Variants in EXD2 observed in about 807,000 individuals in gnomAD.
EXD2 encodes exonuclease 3'-5' domain-containing protein 2.
In EXD2, 40 loss-of-function variants were observed where a neutral mutation model predicts 62.5. The ratio of observed to expected loss-of-function variants is 0.64; its 90% CI spans 0.50 to 0.83. The LOEUF (loss-of-function observed/expected upper bound fraction) is 0.83. Among genes scored for constraint, EXD2 ranks in the 40% least tolerant of loss-of-function variants. The pLI, the probability that EXD2 is intolerant of heterozygous loss-of-function variation, is 0.00. For missense variants in EXD2, 671 were observed against 761.8 expected, an observed-to-expected ratio of 0.88 and a Z score of 1.40; for synonymous variants, 239 against 291.9, an observed-to-expected ratio of 0.82 and a Z score of 1.85.
At chr14:69,230,201 A>G (rs1594774043) in intron 4 of EXD2, among the ~76,000 whole-genome samples, 1 of 152,222 alleles carries the variant, frequency 6.6e-6, no homozygotes, top group Admixed American at 6.5e-5. Context: ...TTGGCACAGT[A>G]CTAAGCCTCT....
At chr14:69,236,204 G>C in intron 7 of EXD2, 52 bp downstream of exon 7, 1 of 1,542,880 alleles carries the variant, frequency 6.5e-7, no homozygotes, top group Non-Finnish European at 9.0e-7. Context: ...ATTGGATGCT[G>C]GCAGGAGTGG....
At chr14:69,221,909 TAAAAAAAAAAA>T (rs60647735) in intron 3 of EXD2, among the ~76,000 whole-genome samples, 3 of 52,034 alleles carry the variant, frequency 5.8e-5, no homozygotes, top group Admixed American at 3.2e-4. Context: ...CTGTCTCTAC[TAAAAAAAAAAA>T]AAAAAAAAAA....
At chr14:69,199,853 AAGG>A (rs1222630491) in intron 1 of EXD2, among the ~76,000 whole-genome samples, 5 of 152,220 alleles carry the variant, frequency 3.3e-5, no homozygotes, top group African/African-American at 1.2e-4. Flanking sequence ...TTATAAGTAG[AAGG>A]AGTACACCGT....
intron 3 of EXD2, among the ~76,000 whole-genome samples, chr14:69,220,259 T>C (rs1359274057): frequency 0.019 from 668 of 35,356 alleles, 20 homozygotes; most frequent in African/African-American, 0.062. Context: ...CTCTGTTTTT[T>C]TTTTTTTTTT....
In EXD2 at chr14:69,237,576, A is replaced by T; in HGVS notation, c.1294A>T (p.Lys432Ter). 2 of 1,614,064 alleles carry T rather than the reference A, an allele frequency of 1.2e-6. No homozygotes were observed. The highest frequency in any genetic ancestry group is 1.7e-6 in the Non-Finnish European group (2 of 1,179,926). Residue 432 changes from lysine to a stop codon, truncating the protein, a stop_gained and splice_region_variant, in exon 9 of 10, where the codon AAG (lysine) becomes TAG (stop). Transcript: ENST00000685843. LOFTEE classifies it high-confidence loss of function. ...VCGKRDSYIR[K>*]NVIPHEYRKH... ...GCTTTCCGGCTGGGCTTGTTCCAGG[A>T]AGAACGTGATTCCACATGAGTACCG...
At chr14:69,229,743 G>A (rs1433890616) in intron 4 of EXD2, among the ~76,000 whole-genome samples, 1 of 152,010 alleles carries the variant, frequency 6.6e-6, no homozygotes, top group Non-Finnish European at 1.5e-5. Flanking sequence ...ACCTCCTCAT[G>A]TTTATGTATG....
intron 5 of EXD2, among the ~76,000 whole-genome samples, chr14:69,233,764 C>CTT (rs1392382633): frequency 8.7e-5 from 10 of 115,226 alleles, no homozygotes; most frequent in South Asian, 5.6e-4. Context: ...GACCACGCTA[C>CTT]TTTTTTTTTT....
intron 9 of EXD2, among the ~76,000 whole-genome samples, chr14:69,240,531 GA>G (rs1433308869): frequency 6.6e-6 from 1 of 152,168 alleles, no homozygotes; most frequent in Non-Finnish European, 1.5e-5. Context: ...CAACTTAAAA[GA>G]GGGGTGAACT....
intron 9 of EXD2, among the ~76,000 whole-genome samples, chr14:69,238,254 G>A (rs775300610): frequency 2.0e-5 from 3 of 152,226 alleles, no homozygotes; most frequent in African/African-American, 2.4e-5. Context: ...CTATGCAGAC[G>A]TAAATCCTCA....
chr14:69,221,481 T>C (rs2043181046), intron 3 of EXD2, among the ~76,000 whole-genome samples: 1 of 152,076 alleles, frequency 6.6e-6, no homozygotes, highest in South Asian at 2.1e-4. Context: ...ATTATTGGCA[T>C]AAACCAAGTG....
chr14:69,226,772 AG>A (rs1177629891), intron 3 of EXD2, among the ~76,000 whole-genome samples: 12 of 98,632 alleles, frequency 1.2e-4, no homozygotes, highest in African/African-American at 5.7e-4. Flanking sequence ...GAGCCCTCCC[AG>A]TTTTTTTTTT....
chr14:69,224,776 C>T (rs1397772058), intron 3 of EXD2, among the ~76,000 whole-genome samples: 2 of 151,974 alleles, frequency 1.3e-5, no homozygotes, highest in Admixed American at 6.6e-5. Context: ...GTCAAGAGAT[C>T]GAGACCATCC....
chr14:69,231,162 T>A (rs2043563729), intron 5 of EXD2, among the ~76,000 whole-genome samples: 1 of 152,134 alleles, frequency 6.6e-6, no homozygotes, highest in African/African-American at 2.4e-5. Flanking sequence ...TTAAAAAAAA[T>A]ATAGTGTTAT....
chr14:69,204,165 CT>C (rs1391190637), intron 2 of EXD2, among the ~76,000 whole-genome samples, 165 bp downstream of exon 2: 1 of 152,210 alleles, frequency 6.6e-6, no homozygotes, highest in Non-Finnish European at 1.5e-5. Context: ...GATTGCCTAT[CT>C]CTAAAGAGCA....
intron 1 of EXD2, among the ~76,000 whole-genome samples, chr14:69,201,833 C>T (rs766082767): frequency 1.2e-4 from 18 of 151,904 alleles, no homozygotes; most frequent in Non-Finnish European, 2.5e-4. Context: ...CAGGCGCACA[C>T]CACCACACCC....
chr14:69,231,909 TAAAAAAAA>T (rs747438242), intron 5 of EXD2, among the ~76,000 whole-genome samples: 3 of 60,632 alleles, frequency 4.9e-5, no homozygotes, highest in Non-Finnish European at 9.5e-5. Context: ...GCATGAGCAG[TAAAAAAAA>T]AAAAAAAAAA....
intron 1 of EXD2, chr14:69,192,151 A>G (rs183104746): frequency 4.6e-5 from 7 of 152,340 alleles, no homozygotes; most frequent in African/African-American, 1.7e-4. Context: ...ATCAAAACTA[A>G]GAACCTTAAT....
chr14:69,215,328 G>A (rs983772751), intron 3 of EXD2, among the ~76,000 whole-genome samples: 1 of 151,326 alleles, frequency 6.6e-6, no homozygotes, highest in East Asian at 1.9e-4. Context: ...GTGTGTGTGT[G>A]TGTGTATAAT....
chr14:69,210,785 G>A (rs2042779787), intron 3 of EXD2, among the ~76,000 whole-genome samples: 1 of 152,112 alleles, frequency 6.6e-6, no homozygotes, highest in Admixed American at 6.6e-5. Flanking sequence ...ACTTCAGCCT[G>A]AGTGGCAGAG....
Sources: allele counts gnomAD v4.1 joint callset (sites outside exome capture counted in the v4.1 genomes callset), GRCh38; gene constraint gnomAD v4.1.1; transcripts MANE v1.5; gene names NCBI Gene and HGNC (gene_info 2026-07-23, HGNC 2026-07-21).